NOP58: variants seen among roughly 807,000 people sequenced by gnomAD.
NOP58 encodes NOP58 ribonucleoprotein.
A neutral mutation model predicts 71.2 loss-of-function variants in NOP58; 44 were observed. That is an observed-to-expected ratio of 0.62 (90% confidence interval 0.49 to 0.79). The LOEUF (loss-of-function observed/expected upper bound fraction) is 0.79. Ranked by LOEUF, NOP58 falls within the 30% of genes least tolerant of loss-of-function variation. NOP58 has a pLI of 0.00. For missense variants in NOP58, 538 were observed against 620.2 expected, an observed-to-expected ratio of 0.87 and a Z score of 1.41; for synonymous variants, 228 against 200.3, an observed-to-expected ratio of 1.14 and a Z score of -1.17.
rs534755734 is a variant in NOP58, at chr2:202,285,207, A to G, written c.434+726A>G. ...AAGCGTGCACCACTACTGCCCAACT[A>G]ATTTTTGTATTTTTAGTAGAGACGG... On this transcript the variant is annotated intron_variant, in intron 5 of 14. Coordinates refer to ENST00000264279, the MANE Select transcript of NOP58 (RefSeq NM_015934.5). Among the ~76,000 whole-genome samples the G allele has an allele frequency of 5.3e-4, 80 of 151,188 alleles. 1 individual carries two copies. In the South Asian group the frequency reaches 0.016, roughly 30 times the overall value.
intron 6 of NOP58, 94 bp from the exon 7 acceptor site, chr2:202,290,229 C>G (rs915037479): frequency 9.8e-7 from 1 of 1,016,262 alleles, no homozygotes; most frequent in Non-Finnish European, 1.4e-6. Flanking sequence ...CATGAGCCAC[C>G]GTGCCCAGCC....
chr2:202,286,055 G>A lies in NOP58; in HGVS notation c.434+1574G>A, dbSNP rs575193826. Among the ~76,000 whole-genome samples the A allele has an allele frequency of 6.5e-3, 979 of 151,708 alleles. 4 individuals are homozygous for A. Among genetic ancestry groups the A allele is most frequent in the Non-Finnish European group, 0.011 (725 of 67,874 alleles). On this transcript the variant is annotated intron_variant, in intron 5 of 14. Coordinates refer to ENST00000264279, the MANE Select transcript of NOP58 (RefSeq NM_015934.5). ...AAATTAGCCGGGCACAGTGGCGGGC[G>A]CCTGTAGTCCCAGCTACTTGGGAGG...
chr2:202,275,843 AT>A (rs1195915360), intron 2 of NOP58, among the ~76,000 whole-genome samples: 1 of 151,982 alleles, frequency 6.6e-6, no homozygotes, highest in Non-Finnish European at 1.5e-5. Context: ...TAATTTTTGT[AT>A]TTTTAGTAGA....
chr2:202,295,841 T>C lies in NOP58; in HGVS notation c.1071+4T>C. 6.5e-7 allele frequency: 1 copy of C among 1,541,968 alleles called. No homozygotes were observed. The highest frequency in any genetic ancestry group is 8.7e-7 in the Non-Finnish European group (1 of 1,146,236). On this transcript the variant is annotated splice_donor_region_variant and intron_variant, in intron 10 of 14. Transcript: ENST00000264279. ...AAGTCCCAAACACAAAGGAAAGGTGTGTTATAGGGTTTTGCTTTGTTTTTG... is the reference window on the plus strand; with the variant it reads ...AAGTCCCAAACACAAAGGAAAGGTGCGTTATAGGGTTTTGCTTTGTTTTTG...
In NOP58 at chr2:202,302,072, CTTTTTTTTTTCTTT is replaced by C. The variant is rs1316445224; in HGVS notation, c.1403-838_1403-825del. ...CTGAATTTCTCTCTCTTTTCTTTTT[CTTTTTTTTTTCTTT>C]TTTTTTTTTTTTTTTTTTTGAGACA... On this transcript the variant is annotated intron_variant, in intron 13 of 14. Coordinates refer to ENST00000264279, the MANE Select transcript of NOP58 (RefSeq NM_015934.5). 5.9e-5 allele frequency among the ~76,000 whole-genome samples: 7 copies of C among 119,116 alleles called. No individual in the cohort carries two copies. The South Asian group carries it at 1.1e-3, about 18-fold the overall frequency. 78.1% of individuals were successfully genotyped at this position (119,116 alleles called of 152,430 possible).
intron 12 of NOP58, among the ~76,000 whole-genome samples, chr2:202,299,022 C>T (rs533741165): frequency 1.6e-4 from 21 of 135,074 alleles, no homozygotes; most frequent in Non-Finnish European, 2.3e-4. Context: ...TGCAGTGGCA[C>T]GATTGCGGCT....
intron 2 of NOP58, chr2:202,276,451 ATTC>A (rs756649993): frequency 1.6e-5 from 8 of 513,950 alleles, no homozygotes; most frequent in Admixed American, 3.9e-5. Context: ...TCAATGATGT[ATTC>A]TTCTTGGAAC....
chr2:202,265,917 T>A lies in NOP58; in HGVS notation c.-25T>A. On this transcript the variant is annotated 5_prime_UTR_variant, in exon 1 of 15. Transcript: ENST00000264279. Reference sequence around the variant, plus strand: ...TGACTCTACAGCTTCTGGCAGGCCGTGCGGCGCCCTGACCCGGCCTCACCA... The same window carrying A: ...TGACTCTACAGCTTCTGGCAGGCCGAGCGGCGCCCTGACCCGGCCTCACCA... The A allele has an allele frequency of 6.2e-7, 1 of 1,614,062 alleles. No individual in the cohort carries two copies. Among genetic ancestry groups the A allele is most frequent in the Non-Finnish European group, 8.5e-7 (1 of 1,179,936 alleles).
In NOP58 at chr2:202,265,894, A is replaced by C. The variant is rs1206211499; in HGVS notation, c.-48A>C. The C allele has an allele frequency of 6.2e-7, 1 of 1,612,802 alleles. No homozygotes were observed. The highest frequency in any genetic ancestry group is 8.5e-7 in the Non-Finnish European group (1 of 1,179,322). ...CCGCGTAGTCGGTGTTTTTGAACTG[A>C]CTCTACAGCTTCTGGCAGGCCGTGC... On this transcript the variant is annotated 5_prime_UTR_variant, in exon 1 of 15. Transcript: ENST00000264279.
intron 1 of NOP58, among the ~76,000 whole-genome samples, chr2:202,271,067 G>A (rs1046861723): frequency 1.3e-5 from 2 of 151,752 alleles, no homozygotes; most frequent in East Asian, 1.9e-4. Flanking sequence ...CTGCGTGACA[G>A]GGCGAGACAC....
intron 10 of NOP58, 145 bp from the exon 11 acceptor site, chr2:202,297,234 T>G: frequency 1.5e-6 from 1 of 677,584 alleles, no homozygotes; most frequent in Non-Finnish European, 2.4e-6. Context: ...ATATGGCCAT[T>G]AGATTGTGGC....
chr2:202,290,706 A>AT (rs1688871630), intron 7 of NOP58, among the ~76,000 whole-genome samples: 1 of 152,230 alleles, frequency 6.6e-6, no homozygotes, highest in Non-Finnish European at 1.5e-5. Context: ...TACTGTTAAT[A>AT]TACAGAGGAA....
intron 9 of NOP58, 61 bp downstream of exon 9, chr2:202,292,964 T>C: frequency 6.3e-7 from 1 of 1,581,966 alleles, no homozygotes; most frequent in Non-Finnish European, 8.7e-7. Context: ...GTTAGGATTT[T>C]GTTTACATCT....
chr2:202,281,090 G>A (rs887447552), intron 3 of NOP58, among the ~76,000 whole-genome samples: 4 of 151,480 alleles, frequency 2.6e-5, no homozygotes, highest in Non-Finnish European at 5.9e-5. Context: ...GGAAATTGTT[G>A]ATAGACCTTC....
Position 202,266,039 on chromosome 2 carries a change from G to T in NOP58, c.45+53G>T, listed in dbSNP as rs1206394858. The T allele has an allele frequency of 4.4e-6, 7 of 1,596,542 alleles. No homozygotes were observed. In the Admixed American group the frequency reaches 1.2e-4, roughly 27 times the overall value. ...GGGAAGGCGGATGCTGGACAGACGA[G>T]GAGAGGGAAAGACTTAAGCACGGAA... On this transcript the variant is annotated intron_variant, in intron 1 of 14. Coordinates refer to ENST00000264279, the MANE Select transcript of NOP58 (RefSeq NM_015934.5).
intron 3 of NOP58, chr2:202,278,404 A>T: frequency 2.6e-6 from 1 of 378,250 alleles, no homozygotes; most frequent in Non-Finnish European, 5.3e-6. Context: ...AACAGCCAGG[A>T]TTCACAGTTG....
At chr2:202,272,966 C>G (rs1406448882) in intron 1 of NOP58, among the ~76,000 whole-genome samples, 1 of 152,074 alleles carries the variant, frequency 6.6e-6, no homozygotes, top group Non-Finnish European at 1.5e-5. Context: ...AACCCCATCT[C>G]TACTAAAAAT....
intron 3 of NOP58, among the ~76,000 whole-genome samples, chr2:202,280,578 C>T (rs938325859): frequency 6.6e-6 from 1 of 152,092 alleles, no homozygotes; most frequent in South Asian, 2.1e-4. Context: ...GTGATCCACC[C>T]GCCTTGGCCT....
At chr2:202,297,319 C>A in intron 10 of NOP58, 60 bp from the exon 11 acceptor site, 1 of 1,447,926 alleles carries the variant, frequency 6.9e-7, no homozygotes, top group Non-Finnish European at 9.5e-7. Context: ...TTAAAACATC[C>A]AAGTTATTGA....
Sources: allele counts gnomAD v4.1 joint callset (sites outside exome capture counted in the v4.1 genomes callset), GRCh38; gene constraint gnomAD v4.1.1; transcripts MANE v1.5; gene names NCBI Gene and HGNC (gene_info 2026-07-23, HGNC 2026-07-21).